RGS12: variants seen among roughly 807,000 people sequenced by gnomAD.
RGS12 encodes the protein regulator of G-protein signaling 12.
A neutral mutation model predicts 120.1 loss-of-function variants in RGS12; 66 were observed. The observed-to-expected ratio is 0.55, with a 90% CI of 0.45 to 0.67. The LOEUF (loss-of-function observed/expected upper bound fraction) is 0.67. Ranked by LOEUF, RGS12 falls within the 30% of genes least tolerant of loss-of-function variation. RGS12 has a pLI of 0.00. For missense variants in RGS12, 1,859 were observed against 1,957.7 expected (o/e 0.95, Z 0.95); for synonymous variants, 827 against 804.7 (o/e 1.03, Z -0.47).
chr4:3,291,759 T>C (rs1479655412), upstream of RGS12, among the ~76,000 whole-genome samples: 1 of 152,184 alleles, frequency 6.6e-6, no homozygotes, highest in East Asian at 1.9e-4. Flanking sequence ...GTAACCGCTC[T>C]GGCCGCGCTC....
chr4:3,370,408 G>A (rs1474080225), intron 3 of RGS12: 19 of 1,243,860 alleles, frequency 1.5e-5, no homozygotes, highest in South Asian at 1.2e-5. Context: ...AGTGGCAGCT[G>A]TGGGACCTGC....
intron 4 of RGS12, among the ~76,000 whole-genome samples, chr4:3,411,269 T>C (rs1456541971): frequency 1.3e-5 from 2 of 152,202 alleles, no homozygotes; most frequent in Non-Finnish European, 2.9e-5. Context: ...TTCTGTACTC[T>C]GTTGTGTCCT....
At chr4:3,386,550 T>C (rs1224151011) in intron 4 of RGS12, 113 bp downstream of exon 4, 20 of 905,920 alleles carry the variant, frequency 2.2e-5, no homozygotes, top group Middle Eastern at 2.9e-4. Flanking sequence ...TGCCTTTCCC[T>C]GTCTCCTTGT....
rs1724190183 is a variant in RGS12 at position 3,430,714 on chromosome 4, G to C, written c.3873G>C (p.Gly1291=). The change falls in exon 17 of 18, where the codon GGG becomes GGC. Residue 1291 remains glycine, a synonymous_variant. Transcript: ENST00000336727. Reference sequence around the variant, plus strand: ...GACCTCCTGGGACGACCCCCCCCGGGCAGAAGTCTCCCAGCGGGCCCTTCT... The same window carrying C: ...GACCTCCTGGGACGACCCCCCCCGGCCAGAAGTCTCCCAGCGGGCCCTTCT... The part of the protein sequence containing the change: ...PPGPPGTTPP[G]QKSPSGPFCT... The C allele has an allele frequency of 6.3e-7, 1 of 1,587,126 alleles. No homozygotes were observed. The highest frequency in any genetic ancestry group is 2.2e-5 in the East Asian group (1 of 44,484).
intron 3 of RGS12, among the ~76,000 whole-genome samples, chr4:3,381,308 G>A (rs997152496): frequency 1.3e-5 from 2 of 152,172 alleles, no homozygotes; most frequent in Non-Finnish European, 2.9e-5. Flanking sequence ...CTTCTTCTGA[G>A]CCCTCCAAAC....
chr4:3,401,039 A>G (rs1720528290), intron 4 of RGS12, among the ~76,000 whole-genome samples: 1 of 152,174 alleles, frequency 6.6e-6, no homozygotes, highest in East Asian at 1.9e-4. Context: ...TTATCTAACT[A>G]TTATACAAAA....
chr4:3,425,518 C>G lies in RGS12; in HGVS notation c.3289C>G (p.Gln1097Glu). Residue 1097 changes from glutamine to glutamate, a missense_variant, in exon 14 of 18, where the codon CAG becomes GAG. Transcript: ENST00000336727. Reference sequence around the variant, plus strand: ...CGCCCCTATATCGAGTCTGGACGGACAGCGGGTTGTCTTGGAGGAGAAGGA... The same window carrying G: ...CGCCCCTATATCGAGTCTGGACGGAGAGCGGGTTGTCTTGGAGGAGAAGGA... ...LGAPISSLDG[Q>E]RVVLEEKDPS... 2 of 1,611,638 alleles carry G rather than the reference C, an allele frequency of 1.2e-6. No homozygotes were observed. The highest frequency in any genetic ancestry group is 1.7e-6 in the Non-Finnish European group (2 of 1,179,660).
chr4:3,426,784 A>C (rs1723703359), intron 14 of RGS12: 1 of 152,208 alleles, frequency 6.6e-6, no homozygotes, highest in Admixed American at 6.5e-5. Flanking sequence ...GTCCCCAGGG[A>C]CAGGCAGAGG....
chr4:3,317,059 G>A lies in RGS12; in HGVS notation c.889G>A (p.Glu297Lys), dbSNP rs763944261. The A allele has an allele frequency of 3.7e-6, 6 of 1,613,514 alleles. No homozygotes were observed. Among genetic ancestry groups the A allele is most frequent in the South Asian group, 2.2e-5 (2 of 91,078 alleles). ...KAGVVAEYPA[E>K]KLAFSAVCPD... ...TGGAGTCGTGGCCGAGTACCCGGCC[G>A]AGAAGCTGGCCTTCAGCGCCGTGTG... The change falls in exon 2 of 18, where the codon GAG (glutamate) becomes AAG (lysine). Residue 297 changes from glutamate (E) to lysine (K), a missense_variant. Glu to Lys is a moderately conservative substitution (Grantham distance 56). Around this residue, in one of 3 missense-constraint regions of RGS12, gnomAD observed 967 missense variants for 994.2 expected, o/e 0.97. Transcript: ENST00000336727.
At chr4:3,432,970 G>A (rs999382381) in intron 17 of RGS12, among the ~76,000 whole-genome samples, 4 of 152,354 alleles carry the variant, frequency 2.6e-5, no homozygotes, top group East Asian at 3.9e-4. Context: ...GCTGGGGGGC[G>A]TTGGGACAGA....
At chr4:3,426,968 G>T (rs763889304) in intron 14 of RGS12, among the ~76,000 whole-genome samples, 4 of 152,154 alleles carry the variant, frequency 2.6e-5, no homozygotes, top group Non-Finnish European at 5.9e-5. Flanking sequence ...ATGATGTCAC[G>T]CAGGGAGCAC....
At chr4:3,331,076 C>T (rs766232369) in intron 2 of RGS12, among the ~76,000 whole-genome samples, 3 of 152,158 alleles carry the variant, frequency 2.0e-5, no homozygotes, top group Non-Finnish European at 4.4e-5. Flanking sequence ...TGGCGAGCAG[C>T]CTGTCACGCA....
At chr4:3,323,744 G>A (rs1725360338) in intron 2 of RGS12, among the ~76,000 whole-genome samples, 1 of 152,066 alleles carries the variant, frequency 6.6e-6, no homozygotes, top group South Asian at 2.1e-4. Context: ...GTTTTCTTTT[G>A]GGTAGGTTCC....
At position 3,343,033 on chromosome 4, in the gene RGS12, C is replaced by A. The variant is rs61759902; in HGVS notation, c.1978C>A (p.Arg660Ser). 2 of 1,609,536 alleles carry A rather than the reference C, an allele frequency of 1.2e-6. No homozygotes were observed. The highest frequency in any genetic ancestry group is 1.3e-5 in the African/African-American group (1 of 74,942). ...FGRSKRFSIT[R>S]SLDDLESATV... is the part of the protein sequence containing the mutation. Reference sequence around the variant, plus strand: ...GAGATCCAAGAGATTCAGTATCACTCGCTCCCTTGATGATCTTGAGGTAAT... The same window carrying A: ...GAGATCCAAGAGATTCAGTATCACTAGCTCCCTTGATGATCTTGAGGTAAT... The change falls in exon 3 of 18, where the codon CGC (arginine) becomes AGC (serine). Residue 660 changes from arginine to serine, a missense_variant. Arg to Ser is a moderately radical substitution (Grantham distance 110, BLOSUM62 -1). Around this residue, in one of 3 missense-constraint regions of RGS12, gnomAD observed 967 missense variants for 994.2 expected, o/e 0.97. Transcript: ENST00000336727.
At chr4:3,370,337 T>G in intron 3 of RGS12, 4 of 1,613,052 alleles carry the variant, frequency 2.5e-6, no homozygotes, top group Non-Finnish European at 3.4e-6. Flanking sequence ...TAGTTCCGGC[T>G]TTTTCTTTTC....
chr4:3,406,440 G>A (rs1461360314), intron 4 of RGS12, among the ~76,000 whole-genome samples: 1 of 152,228 alleles, frequency 6.6e-6, no homozygotes, highest in East Asian at 1.9e-4. Flanking sequence ...AGCTGCTTGT[G>A]TGGCAGTGTC....
Position 3,423,522 on chromosome 4 carries a change from C to A in RGS12, c.3115C>A (p.Leu1039Ile), listed in dbSNP as rs573744086. The stretch of plus-strand genomic sequence containing the variant: ...TTTTTCATCCCCCACCAGGCTGGAT[C>A]TTGTTCCGATTAACCGGTCAGTGGG... The part of the protein sequence containing the change: ...LEKRTLFRLD[L>I]VPINRSVGLK... The change falls in exon 13 of 18, where the codon CTT becomes ATT. Residue 1039 changes from leucine (L) to isoleucine (I), a missense_variant. Leu to Ile is a conservative substitution (Grantham distance 5). This residue lies in a region of RGS12 where 375 missense variants were observed against 475.0 expected (regional missense o/e 0.79). Transcript: ENST00000336727. The A allele has an allele frequency of 1.2e-6, 2 of 1,613,184 alleles. No homozygotes were observed. Among genetic ancestry groups the A allele is most frequent in the East Asian group, 4.5e-5 (2 of 44,874 alleles).
At chr4:3,422,315 A>T in intron 10 of RGS12, 61 bp from the exon 11 acceptor site, 2 of 1,508,138 alleles carry the variant, frequency 1.3e-6, no homozygotes, top group Admixed American at 2.0e-5. Context: ...CTGCTCTGGG[A>T]GGTGCCCCGC....
chr4:3,343,109 C>A, intron 3 of RGS12, 56 bp downstream of exon 3: 1 of 1,295,406 alleles, frequency 7.7e-7, no homozygotes, highest in Non-Finnish European at 1.1e-6. Flanking sequence ...AAATGCAAGT[C>A]CACCTTGCAG....
Sources: allele counts gnomAD v4.1 joint callset (sites outside exome capture counted in the v4.1 genomes callset), GRCh38; gene constraint gnomAD v4.1.1; regional missense constraint gnomAD v4.1.1; transcripts MANE v1.5; gene names NCBI Gene and HGNC (gene_info 2026-07-23, HGNC 2026-07-21).